TENM4: variants seen among roughly 807,000 people sequenced by gnomAD.
TENM4 encodes teneurin transmembrane protein 4.
In TENM4, 82 loss-of-function variants were observed where a neutral mutation model predicts 243.3. That is an observed-to-expected ratio of 0.34 (90% CI 0.28 to 0.40). The LOEUF (loss-of-function observed/expected upper bound fraction) is 0.40. Ranked by LOEUF, TENM4 falls within the 10% of genes least tolerant of loss-of-function variation. The pLI is 1.00. For missense variants in TENM4, 3,138 were observed against 3,673.3 expected (o/e 0.85, Z 3.77); for synonymous variants, 1,412 against 1,456.3 (o/e 0.97, Z 0.69).
chr11:79,152,073 A>C (rs911344863), intron 3 of TENM4, among the ~76,000 whole-genome samples: 3 of 152,164 alleles, frequency 2.0e-5, no homozygotes, highest in Non-Finnish European at 4.4e-5. Context: ...CGTGCTAAAT[A>C]AACATAAAAT....
chr11:79,319,671 C>T (rs1461738934), intron 1 of TENM4, among the ~76,000 whole-genome samples: 4 of 151,934 alleles, frequency 2.6e-5, no homozygotes, highest in Non-Finnish European at 5.9e-5. Context: ...TTTATCCAGA[C>T]GATAGCAAAG....
intron 1 of TENM4, among the ~76,000 whole-genome samples, chr11:79,341,063 A>G (rs1267591663): frequency 6.6e-6 from 1 of 152,170 alleles, no homozygotes; most frequent in African/African-American, 2.4e-5. Context: ...GGGAGAGACC[A>G]CACACCACAG....
intron 16 of TENM4, among the ~76,000 whole-genome samples, chr11:78,783,800 G>T (rs1215835720): frequency 6.6e-6 from 1 of 152,198 alleles, no homozygotes; most frequent in African/African-American, 2.4e-5. Flanking sequence ...TTCCATGAAA[G>T]ATAAGGTGAG....
In TENM4 at chr11:78,653,414, TC is replaced by T. The variant is rs1178734653; in HGVS notation, c.*4643del. On this transcript the variant is annotated 3_prime_UTR_variant, in exon 34 of 34. Transcript: ENST00000278550. ...TACAGCCTTGTTGGTATTTACACAG[TC>T]AAGATACAGTGTTAGAAACACAAAA... 5.9e-5 allele frequency: 9 copies of T among 152,050 alleles called. No individual in the cohort carries two copies. Among genetic ancestry groups the T allele is most frequent in the Non-Finnish European group, 1.2e-4 (8 of 67,990 alleles). The allele number at this position is 152,050 out of a possible 1,614,324, so 9.4% of individuals were successfully genotyped here.
At chr11:79,320,889 G>A (rs1222278016) in intron 1 of TENM4, among the ~76,000 whole-genome samples, 1 of 152,150 alleles carries the variant, frequency 6.6e-6, no homozygotes, top group Admixed American at 6.5e-5. Context: ...AACCTGCCAA[G>A]GCCACAGGGC....
chr11:79,199,418 C>T (rs1010235515), intron 3 of TENM4, among the ~76,000 whole-genome samples: 16 of 152,118 alleles, frequency 1.1e-4, no homozygotes, highest in Admixed American at 7.2e-4. Context: ...GTCCCTGACT[C>T]GGAATGTGAA....
At position 78,903,501 on chromosome 11, in the gene TENM4, G is replaced by C; in HGVS notation, c.516C>G (p.Asn172Lys). 2.6e-6 allele frequency: 4 copies of C among 1,547,794 alleles called. No individual in the cohort carries two copies. The highest frequency in any genetic ancestry group is 2.4e-5 in the East Asian group (1 of 40,892). ...TETDHPGGLQNHARLRTPPPP... is the reference protein window; with the variant it reads ...TETDHPGGLQKHARLRTPPPP... ...GCGGCGGCGTCCGGAGCCGCGCGTG[G>C]TTCTGCAGGCCGCCCGGATGATCTA... Residue 172 changes from asparagine to lysine, a missense_variant, in exon 7 of 34, where the codon AAC (asparagine) becomes AAG (lysine). Physicochemically the swap from Asn to Lys is moderately conservative, Grantham distance 94. Transcript: ENST00000278550.
At chr11:79,366,034 G>T (rs1331744975) in intron 1 of TENM4, among the ~76,000 whole-genome samples, 1 of 152,202 alleles carries the variant, frequency 6.6e-6, no homozygotes, top group African/African-American at 2.4e-5. Flanking sequence ...AAGAGCCACA[G>T]TAAGCTAGTG....
intron 17 of TENM4, among the ~76,000 whole-genome samples, chr11:78,775,794 A>C (rs1486978854): frequency 2.0e-5 from 3 of 152,216 alleles, no homozygotes; most frequent in Non-Finnish European, 4.4e-5. Flanking sequence ...ATGTAATTTT[A>C]AAGTTTAGAG....
At chr11:79,163,978 G>A (rs1219534122) in intron 3 of TENM4, among the ~76,000 whole-genome samples, 1 of 126,702 alleles carries the variant, frequency 7.9e-6, no homozygotes, top group Non-Finnish European at 1.6e-5. Context: ...TATATATAGT[G>A]TATATATAGT....
intron 6 of TENM4, among the ~76,000 whole-genome samples, chr11:78,913,957 AAGG>A (rs1251000394): frequency 1.3e-5 from 2 of 152,124 alleles, no homozygotes; most frequent in African/African-American, 4.8e-5. Context: ...GGAGAAGGGG[AAGG>A]AGAAGAGCTT....
At chr11:79,179,297 T>C (rs1347709920) in intron 3 of TENM4, among the ~76,000 whole-genome samples, 1 of 152,214 alleles carries the variant, frequency 6.6e-6, no homozygotes, top group East Asian at 1.9e-4. Context: ...CTGCAAACGA[T>C]GGCCCAGCAC....
At chr11:78,934,335 C>T (rs901793061) in intron 6 of TENM4, among the ~76,000 whole-genome samples, 12 of 152,196 alleles carry the variant, frequency 7.9e-5, no homozygotes, top group African/African-American at 2.7e-4. Flanking sequence ...CAAACACAAA[C>T]CCTCAGCAAG....
chr11:79,085,002 GTACACAGGC>G (rs1258579655), intron 4 of TENM4, among the ~76,000 whole-genome samples: 1 of 152,124 alleles, frequency 6.6e-6, no homozygotes, highest in African/African-American at 2.4e-5. Context: ...TGAGTAAAGG[GTACACAGGC>G]TATCTCTTGT....
chr11:78,979,718 G>A (rs113023865), intron 6 of TENM4, among the ~76,000 whole-genome samples: 53 of 151,144 alleles, frequency 3.5e-4, no homozygotes, highest in African/African-American at 1.3e-3. Context: ...AGCAGAGATA[G>A]GGATGGTGGT....
In TENM4 at chr11:78,975,621, T is replaced by C. The variant is rs1040586140; in HGVS notation, c.494-72098A>G. On this transcript the variant is annotated intron_variant, in intron 6 of 33. Coordinates refer to ENST00000278550, the MANE Select transcript of TENM4 (RefSeq NM_001098816.3). ...ACCCACACACACACACACACACATA[T>C]ATATATATATATGTTTTCCTCCCTC... Among the ~76,000 whole-genome samples the C allele has an allele frequency of 6.9e-4, 102 of 147,596 alleles. No individual in the cohort carries two copies. The Middle Eastern group carries it at 0.01, about 15-fold the overall frequency.
At position 79,407,333 on chromosome 11, in the gene TENM4, A is replaced by G. The variant is rs931349536; in HGVS notation, c.-321+33176T>C. Among the ~76,000 whole-genome samples, 5 of 152,360 alleles carry G rather than the reference A, an allele frequency of 3.3e-5. No individual in the cohort carries two copies. In the East Asian group the frequency reaches 9.6e-4, roughly 29 times the overall value. On this transcript the variant is annotated intron_variant, in intron 1 of 33. Coordinates refer to ENST00000278550, the MANE Select transcript of TENM4 (RefSeq NM_001098816.3). ...GAGGGATATAATTTAAAAGCATTAA[A>G]CAGTTTAGAAACTGTTACTAATAAT...
chr11:78,882,424 A>T (rs1855451749), intron 9 of TENM4, among the ~76,000 whole-genome samples: 1 of 152,210 alleles, frequency 6.6e-6, no homozygotes, highest in Non-Finnish European at 1.5e-5. Flanking sequence ...CCATTTTGCA[A>T]GGCCTCTTAT....
intron 6 of TENM4, among the ~76,000 whole-genome samples, chr11:78,993,496 T>C (rs918871822): frequency 1.3e-5 from 2 of 152,216 alleles, no homozygotes; most frequent in East Asian, 1.9e-4. Flanking sequence ...TCTAATTACA[T>C]GTTAGACCAC....
Sources: gnomAD v4.1 joint callset for allele counts (sites outside exome capture counted in the v4.1 genomes callset) on GRCh38, gnomAD v4.1.1 for gene constraint, MANE v1.5 for transcripts, NCBI Gene and HGNC (gene_info 2026-07-23, HGNC 2026-07-21) for gene names.